The following GSTCD variants were observed in gnomAD, a reference collection of about 807,000 sequenced individuals.
GSTCD encodes glutathione S-transferase C-terminal domain-containing protein.
A neutral mutation model predicts 68.3 loss-of-function variants in GSTCD; 44 were observed. That is an observed-to-expected ratio of 0.64 (90% CI 0.51 to 0.83). The LOEUF (loss-of-function observed/expected upper bound fraction) is 0.83, where lower values mean the gene tolerates loss of function less well. Ranked by LOEUF, GSTCD falls within the 40% of genes least tolerant of loss-of-function variation. The probability of loss-of-function intolerance (pLI) is 0.00; values close to 1 mark genes in which losing one functional copy is unlikely to be tolerated. For synonymous variants in GSTCD, 273 were observed against 255.2 expected (o/e 1.07, Z -0.67); for missense variants, 739 against 735.9 (o/e 1.00, Z -0.05).
At chr4:105,771,084 T>C (rs1734826621) in intron 5 of GSTCD, among the ~76,000 whole-genome samples, 1 of 152,206 alleles carries the variant, frequency 6.6e-6, no homozygotes, top group South Asian at 2.1e-4. Flanking sequence ...TGAGATGGTA[T>C]CTCATTGTGG....
chr4:105,764,292 G>A (rs540477719), intron 5 of GSTCD, among the ~76,000 whole-genome samples: 26 of 152,186 alleles, frequency 1.7e-4, no homozygotes, highest in African/African-American at 6.0e-4. Flanking sequence ...TATACTAAGA[G>A]TAGTCTTATA....
intron 5 of GSTCD, among the ~76,000 whole-genome samples, chr4:105,759,753 A>G (rs763640180): frequency 1.4e-4 from 22 of 152,194 alleles, no homozygotes; most frequent in Non-Finnish European, 2.8e-4. Context: ...AATTATCCCT[A>G]AGATCTGATT....
At chr4:105,818,443 A>C (rs1203686059) in intron 5 of GSTCD, among the ~76,000 whole-genome samples, 1 of 151,900 alleles carries the variant, frequency 6.6e-6, no homozygotes, top group East Asian at 1.9e-4. Context: ...TGAGAAATTC[A>C]AAGAAATGTC....
intron 1 of GSTCD, among the ~76,000 whole-genome samples, chr4:105,711,507 C>T (rs539850758): frequency 6.6e-6 from 1 of 152,194 alleles, no homozygotes; most frequent in South Asian, 2.1e-4. Context: ...TGGGTTTTGC[C>T]CATCAAGGTT....
intron 5 of GSTCD, among the ~76,000 whole-genome samples, chr4:105,807,606 A>G (rs1312275057): frequency 2.6e-5 from 4 of 152,056 alleles, no homozygotes; most frequent in Admixed American, 1.3e-4. Context: ...TATTTCCTCT[A>G]TTAGATGAAA....
chr4:105,740,509 A>G (rs1490670367), intron 5 of GSTCD, among the ~76,000 whole-genome samples: 1 of 151,816 alleles, frequency 6.6e-6, no homozygotes, highest in Non-Finnish European at 1.5e-5. Flanking sequence ...AGTCATTTTC[A>G]TTATGATGTA....
chr4:105,803,998 G>A (rs1736232700), intron 5 of GSTCD, among the ~76,000 whole-genome samples: 1 of 151,804 alleles, frequency 6.6e-6, no homozygotes, highest in Non-Finnish European at 1.5e-5. Flanking sequence ...TTTTGTTTTT[G>A]TAAAGCTGGA....
At chr4:105,783,641 C>A (rs548523879) in intron 5 of GSTCD, among the ~76,000 whole-genome samples, 2 of 151,926 alleles carry the variant, frequency 1.3e-5, no homozygotes, top group South Asian at 4.2e-4. Context: ...GCACTGCACC[C>A]GTTTAACCCT....
At chr4:105,743,208 C>T (rs978645277) in intron 5 of GSTCD, among the ~76,000 whole-genome samples, 6 of 152,014 alleles carry the variant, frequency 3.9e-5, no homozygotes, top group African/African-American at 9.7e-5. Flanking sequence ...CCTTGGCCTC[C>T]CAAAGTACTG....
intron 5 of GSTCD, chr4:105,746,200 T>C (rs1733796788): frequency 6.6e-6 from 1 of 152,146 alleles, no homozygotes; most frequent in Admixed American, 6.5e-5. Flanking sequence ...ATATGTTATA[T>C]GTATTATAAT....
chr4:105,728,225 T>G (rs1044044162), intron 4 of GSTCD, among the ~76,000 whole-genome samples: 1 of 152,308 alleles, frequency 6.6e-6, no homozygotes, highest in East Asian at 1.9e-4. Context: ...TGGCAATGAT[T>G]GAACAATTGT....
chr4:105,710,204 T>A (rs1732477966), intron 1 of GSTCD, among the ~76,000 whole-genome samples: 2 of 151,294 alleles, frequency 1.3e-5, no homozygotes, highest in South Asian at 4.2e-4. Flanking sequence ...CAGCTCAAAC[T>A]TGAGCTTCTG....
chr4:105,804,470 A>G (rs1253896729), intron 5 of GSTCD, among the ~76,000 whole-genome samples: 1 of 152,142 alleles, frequency 6.6e-6, no homozygotes, highest in Non-Finnish European at 1.5e-5. Flanking sequence ...GAGGATTTAT[A>G]TGTCATGATT....
chr4:105,740,269 A>G (rs1275373539), intron 5 of GSTCD, among the ~76,000 whole-genome samples: 2 of 152,016 alleles, frequency 1.3e-5, no homozygotes, highest in Non-Finnish European at 2.9e-5. Flanking sequence ...TTGAACAACT[A>G]TAGTCCTCAC....
intron 5 of GSTCD, among the ~76,000 whole-genome samples, chr4:105,786,912 C>G (rs1288802273): frequency 6.6e-6 from 1 of 151,932 alleles, no homozygotes; most frequent in East Asian, 1.9e-4. Context: ...AATGTTGCAG[C>G]CACTTTGGAG....
intron 5 of GSTCD, among the ~76,000 whole-genome samples, chr4:105,817,559 G>C (rs972934988): frequency 1.3e-5 from 2 of 151,818 alleles, no homozygotes; most frequent in African/African-American, 4.8e-5. Flanking sequence ...GTGCAGCTAA[G>C]AGGATTAGTG....
At chr4:105,757,001 A>G (rs1037562162) in intron 5 of GSTCD, among the ~76,000 whole-genome samples, 5 of 152,152 alleles carry the variant, frequency 3.3e-5, no homozygotes, top group African/African-American at 1.2e-4. Flanking sequence ...CAGCATTGCT[A>G]TTGCCTACAA....
chr4:105,733,228 AT>A lies in GSTCD; in HGVS notation c.1240+3731del, dbSNP rs575888156. On this transcript the variant is annotated intron_variant, in intron 5 of 11. Coordinates refer to ENST00000515279, the MANE Select transcript of GSTCD (RefSeq NM_001370181.1). ...TTTGCTTGGTGTGGAGCTGAGTTCA[AT>A]TCCTGGCTATCCTTGTGAACTTTCT... 2.6e-5 allele frequency among the ~76,000 whole-genome samples: 4 copies of A among 152,286 alleles called. No individual in the cohort carries two copies. The South Asian group carries it at 8.3e-4, about 32-fold the overall frequency.
intron 5 of GSTCD, among the ~76,000 whole-genome samples, chr4:105,794,889 A>ATCTATCTATCTATCTATCTG (rs201602122): frequency 7.1e-6 from 1 of 140,560 alleles, no homozygotes; most frequent in Admixed American, 7.0e-5. Flanking sequence ...CTATCTATCT[A>ATCTATCTATCTATCTATCTG]TCTATGAGAC....
Sources: gnomAD v4.1 joint callset for allele counts (sites outside exome capture counted in the v4.1 genomes callset) on GRCh38, gnomAD v4.1.1 for gene constraint, MANE v1.5 for transcripts, NCBI Gene and HGNC (gene_info 2026-07-23, HGNC 2026-07-21) for gene names.